The following ALDH1L2 variants were observed in gnomAD, a reference collection of about 807,000 sequenced individuals.
The protein encoded by ALDH1L2 is mitochondrial 10-formyltetrahydrofolate dehydrogenase.
In ALDH1L2, 91 loss-of-function variants were observed where a neutral mutation model predicts 111.0. The ratio of observed to expected loss-of-function variants is 0.82; its 90% confidence interval spans 0.69 to 0.98. The LOEUF (loss-of-function observed/expected upper bound fraction) is 0.98, where lower values mean the gene tolerates loss of function less well. Ranked by LOEUF, ALDH1L2 falls within the 50% of genes least tolerant of loss-of-function variation. The pLI is 0.00. For missense variants in ALDH1L2, 995 were observed against 1,126.8 expected (o/e 0.88, Z 1.67); for synonymous variants, 374 against 392.6 (o/e 0.95, Z 0.56).
At chr12:105,056,328 G>A (rs911090776) in intron 10 of ALDH1L2, among the ~76,000 whole-genome samples, 3 of 152,024 alleles carry the variant, frequency 2.0e-5, no homozygotes, top group Admixed American at 6.5e-5. Flanking sequence ...CAGAAATGAA[G>A]GAGAAATTAA....
intron 19 of ALDH1L2, among the ~76,000 whole-genome samples, chr12:105,033,520 T>A (rs1156262802): frequency 3.3e-5 from 5 of 152,106 alleles, no homozygotes; most frequent in South Asian, 4.1e-4. Flanking sequence ...ATACCTTTGG[T>A]TTTTTTGGTG....
rs866957774 is a variant in ALDH1L2 at position 105,045,773 on chromosome 12, T to C, written c.1863+937A>G. ...TGTAGCTATGCCAAATGAAACTGTATTTTTTTAAACTCTGAAAGAAGAAAT... is the reference window on the plus strand; with the variant it reads ...TGTAGCTATGCCAAATGAAACTGTACTTTTTTAAACTCTGAAAGAAGAAAT... On this transcript the variant is annotated intron_variant, in intron 15 of 22. Coordinates refer to ENST00000258494, the MANE Select transcript of ALDH1L2 (RefSeq NM_001034173.4). 3.5e-4 allele frequency among the ~76,000 whole-genome samples: 51 copies of C among 145,940 alleles called. No individual in the cohort carries two copies. In the South Asian group the frequency reaches 4.2e-3, roughly 12 times the overall value.
chr12:105,033,101 C>T (rs1489347185), intron 19 of ALDH1L2, among the ~76,000 whole-genome samples: 2 of 152,122 alleles, frequency 1.3e-5, no homozygotes, highest in Non-Finnish European at 2.9e-5. Flanking sequence ...TAGGCCTGGC[C>T]GTAATCTCTT....
At chr12:105,033,817 A>G (rs1874831333) in intron 19 of ALDH1L2, among the ~76,000 whole-genome samples, 1 of 152,178 alleles carries the variant, frequency 6.6e-6, no homozygotes, top group Non-Finnish European at 1.5e-5. Context: ...TGTATCTCTC[A>G]TAGTTTATTT....
chr12:105,037,556 A>C (rs997510299), intron 18 of ALDH1L2, among the ~76,000 whole-genome samples: 4 of 152,190 alleles, frequency 2.6e-5, no homozygotes, highest in Non-Finnish European at 5.9e-5. Context: ...ACTTTTTTAC[A>C]TGCCTGCTAT....
rs932951894 is a variant in ALDH1L2 at position 105,024,208 on chromosome 12, G to A, written c.*216C>T. The stretch of plus-strand genomic sequence containing the variant: ...AGAAATACGTATGATATACAACATA[G>A]TCAAAATGCAACAACTCCAAATCAC... On this transcript the variant is annotated 3_prime_UTR_variant, in exon 23 of 23. Coordinates refer to ENST00000258494, the MANE Select transcript of ALDH1L2 (RefSeq NM_001034173.4). 2.2e-5 allele frequency: 13 copies of A among 600,538 alleles called. No homozygotes were observed. The African/African-American group carries it at 2.2e-4, about 10-fold the overall frequency. The allele number at this position is 600,538 out of a possible 1,614,324, so 37.2% of individuals were successfully genotyped here.
intron 20 of ALDH1L2, 95 bp downstream of exon 20, chr12:105,031,674 T>G: frequency 6.7e-7 from 1 of 1,501,438 alleles, no homozygotes; most frequent in Non-Finnish European, 8.9e-7. Context: ...AGAGATGAAG[T>G]TTCACCATGT....
Position 105,021,731 on chromosome 12 carries a change from A to C in ALDH1L2, c.*2693T>G, listed in dbSNP as rs560831315. Reference sequence around the variant, plus strand: ...TCTTTCATACAGGAGGCCCTTAATAAATGGTAGCTGTCATATCGTATTATT... The same window carrying C: ...TCTTTCATACAGGAGGCCCTTAATACATGGTAGCTGTCATATCGTATTATT... On this transcript the variant is annotated 3_prime_UTR_variant, in exon 23 of 23. Transcript: ENST00000258494. 4 of 152,328 alleles carry C rather than the reference A, an allele frequency of 2.6e-5. No homozygotes were observed. In the East Asian group the frequency reaches 7.7e-4, roughly 29 times the overall value. The allele number at this position is 152,328 out of a possible 1,614,324, so 9.4% of individuals were successfully genotyped here.
intron 1 of ALDH1L2, among the ~76,000 whole-genome samples, chr12:105,081,783 T>C (rs1053221677): frequency 5.3e-5 from 8 of 152,254 alleles, no homozygotes; most frequent in African/African-American, 1.7e-4. Flanking sequence ...AGAAGTGTTA[T>C]AAACTAATTT....
At chr12:105,040,567 A>G (rs1875471666) in intron 16 of ALDH1L2, 40 bp downstream of exon 16, 3 of 1,585,896 alleles carry the variant, frequency 1.9e-6, no homozygotes, top group East Asian at 2.2e-5. Flanking sequence ...CCCCAGTACC[A>G]TTCATTAGTT....
chr12:105,063,903 G>A (rs1367051666), intron 6 of ALDH1L2, among the ~76,000 whole-genome samples: 2 of 151,824 alleles, frequency 1.3e-5, no homozygotes, highest in African/African-American at 2.4e-5. Context: ...ATGCTATAAT[G>A]GTTTGTTGAA....
intron 15 of ALDH1L2, among the ~76,000 whole-genome samples, chr12:105,041,453 C>G (rs957478845): frequency 2.6e-5 from 4 of 152,222 alleles, no homozygotes; most frequent in Non-Finnish European, 5.9e-5. Flanking sequence ...AGTTCCAATA[C>G]TGGAAAGTTA....
At chr12:105,025,159 T>C (rs1874350732) in intron 22 of ALDH1L2, among the ~76,000 whole-genome samples, 1 of 152,098 alleles carries the variant, frequency 6.6e-6, no homozygotes, top group African/African-American at 2.4e-5. Flanking sequence ...AATGAGTGCG[T>C]GATTCTGGAA....
chr12:105,072,317 C>T (rs1237280101), intron 2 of ALDH1L2: 1 of 151,106 alleles, frequency 6.6e-6, no homozygotes, highest in African/African-American at 2.4e-5. Context: ...CTAAAGCTTT[C>T]TATCTGCATT....
chr12:105,058,020 T>TA (rs1876741153), intron 10 of ALDH1L2, 53 bp downstream of exon 10: 4 of 1,551,636 alleles, frequency 2.6e-6, no homozygotes, highest in Non-Finnish European at 2.6e-6. Flanking sequence ...AGCAGTCTTT[T>TA]ATAGTGTATG....
chr12:105,044,919 CT>C (rs2136066534), intron 15 of ALDH1L2, among the ~76,000 whole-genome samples: 1 of 151,420 alleles, frequency 6.6e-6, no homozygotes, highest in East Asian at 1.9e-4. Context: ...TAGAATGCTA[CT>C]TTTTGTGTGT....
At chr12:105,041,666 C>A (rs1875542750) in intron 15 of ALDH1L2, among the ~76,000 whole-genome samples, 1 of 152,110 alleles carries the variant, frequency 6.6e-6, no homozygotes, top group Non-Finnish European at 1.5e-5. Flanking sequence ...TCCCTCATTC[C>A]TTTTACGTGT....
intron 19 of ALDH1L2, among the ~76,000 whole-genome samples, chr12:105,032,400 G>A (rs975108479): frequency 3.3e-5 from 5 of 151,788 alleles, no homozygotes; most frequent in South Asian, 2.1e-4. Context: ...CACCACGCTC[G>A]GCTAATTTTT....
At position 105,046,950 on chromosome 12, in the gene ALDH1L2, T is replaced by C; in HGVS notation, c.1706A>G (p.Asn569Ser). 1 of 1,614,164 alleles carries C rather than the reference T, an allele frequency of 6.2e-7. No homozygotes were observed. Among genetic ancestry groups the C allele is most frequent in the Non-Finnish European group, 8.5e-7 (1 of 1,179,982 alleles). Reference protein sequence around the residue: ...DKIQGSTIPINQARPNRNLTF... With the variant: ...DKIQGSTIPISQARPNRNLTF... ...CAGATTGCGATTTGGACGGGCCTGG[T>C]TGATTGGAATAGTAGAACCCTAAAG... is the stretch of plus-strand genomic sequence containing the variant. The change falls in exon 14 of 23, where the codon AAC (asparagine) becomes AGC (serine). Residue 569 changes from asparagine (N) to serine (S), a missense_variant. By Grantham distance (46) the Asn-to-Ser change is conservative. Transcript: ENST00000258494.
Sources: allele counts gnomAD v4.1 joint callset (sites outside exome capture counted in the v4.1 genomes callset), GRCh38; gene constraint gnomAD v4.1.1; transcripts MANE v1.5; gene names NCBI Gene and HGNC (gene_info 2026-07-23, HGNC 2026-07-21).